The following SCHIP1 variants were observed in gnomAD, a reference collection of about 807,000 sequenced individuals.
SCHIP1 encodes the protein schwannomin interacting protein 1, also known as schwannomin-interacting protein 1.
SCHIP1 carries 8 observed loss-of-function variants against 29.7 expected under a neutral mutation model. The observed-to-expected ratio is 0.27, with a 90% confidence interval of 0.16 to 0.49. SCHIP1 has a LOEUF of 0.49. Among genes scored for constraint, SCHIP1 ranks in the 20% least tolerant of loss-of-function variants. SCHIP1 has a pLI of 0.99. For synonymous variants in SCHIP1, 76 were observed against 94.9 expected (o/e 0.80, Z 1.16); for missense variants, 193 against 294.6 (o/e 0.66, Z 2.52).
the SCHIP1 span, among the ~76,000 whole-genome samples, chr3:159,653,744 TA>T: frequency 1.5e-5 from 2 of 129,980 alleles, no homozygotes; most frequent in African/African-American, 6.8e-5. Context: ...TCCCGGAACT[TA>T]AAGTAAAAAA....
chr3:159,761,313 G>T, the SCHIP1 span, among the ~76,000 whole-genome samples: 1 of 152,220 alleles, frequency 6.6e-6, no homozygotes, highest in African/African-American at 2.4e-5. Flanking sequence ...TACTTACGTA[G>T]AATTGACAGG....
chr3:159,304,076 T>C, the SCHIP1 span, among the ~76,000 whole-genome samples: 1 of 144,436 alleles, frequency 6.9e-6, no homozygotes, highest in Non-Finnish European at 1.5e-5. Context: ...TGTGATCTCA[T>C]TGTTCAGTTC....
the SCHIP1 span, among the ~76,000 whole-genome samples, chr3:159,692,197 G>C: frequency 0.024 from 3,685 of 152,014 alleles, 75 homozygotes; most frequent in African/African-American, 0.052. Flanking sequence ...TGATGATTAT[G>C]TGTCTTGAGG....
the SCHIP1 span, among the ~76,000 whole-genome samples, chr3:159,730,688 T>C: frequency 1.3e-5 from 2 of 152,144 alleles, no homozygotes; most frequent in Middle Eastern, 3.2e-3. Flanking sequence ...TTTAATGATA[T>C]GAAAATTACT....
the SCHIP1 span, among the ~76,000 whole-genome samples, chr3:159,714,454 G>A: frequency 5.0e-3 from 758 of 152,328 alleles, 10 homozygotes; most frequent in Admixed American, 0.022. Flanking sequence ...TTCCTCACCC[G>A]GGAAGTGCAG....
chr3:159,290,201 T>C, the SCHIP1 span, among the ~76,000 whole-genome samples: 1 of 152,338 alleles, frequency 6.6e-6, no homozygotes, highest in East Asian at 1.9e-4. Context: ...AAGAATATCT[T>C]AATTTACTCA....
At chr3:159,346,421 C>T in the SCHIP1 span, among the ~76,000 whole-genome samples, 5 of 151,840 alleles carry the variant, frequency 3.3e-5, no homozygotes, top group African/African-American at 1.2e-4. Flanking sequence ...TCATGACATC[C>T]CATTTCTGGT....
At chr3:159,509,084 T>G in the SCHIP1 span, among the ~76,000 whole-genome samples, 1 of 152,200 alleles carries the variant, frequency 6.6e-6, no homozygotes, top group African/African-American at 2.4e-5. Context: ...AGTCTCCCAT[T>G]ATTATTGTGT....
At chr3:159,406,847 A>G in the SCHIP1 span, among the ~76,000 whole-genome samples, 1 of 152,192 alleles carries the variant, frequency 6.6e-6, no homozygotes, top group African/African-American at 2.4e-5. Context: ...GGGTTATATT[A>G]TTTGCAATAC....
At chr3:159,655,287 C>G in the SCHIP1 span, among the ~76,000 whole-genome samples, 2 of 152,106 alleles carry the variant, frequency 1.3e-5, no homozygotes, top group African/African-American at 4.8e-5. Flanking sequence ...GAAATGAAAG[C>G]CTGTGAACAA....
chr3:159,296,219 A>G, the SCHIP1 span, among the ~76,000 whole-genome samples: 1 of 152,136 alleles, frequency 6.6e-6, no homozygotes, highest in African/African-American at 2.4e-5. Flanking sequence ...TGAACATAAA[A>G]AATAGATTTA....
At chr3:159,502,005 G>A in the SCHIP1 span, among the ~76,000 whole-genome samples, 9 of 152,144 alleles carry the variant, frequency 5.9e-5, no homozygotes, top group Non-Finnish European at 8.8e-5. Flanking sequence ...TTAACTCCAA[G>A]TCAGGTCAAT....
the SCHIP1 span, among the ~76,000 whole-genome samples, chr3:159,444,838 A>T: frequency 6.6e-6 from 1 of 152,316 alleles, no homozygotes; most frequent in East Asian, 1.9e-4. Context: ...CATTACAGAC[A>T]CAGAGGATGG....
chr3:159,688,089 G>A, the SCHIP1 span, among the ~76,000 whole-genome samples: 1 of 152,208 alleles, frequency 6.6e-6, no homozygotes, highest in Non-Finnish European at 1.5e-5. Context: ...ATAGTAGAAT[G>A]ATTTATAATC....
the SCHIP1 span, among the ~76,000 whole-genome samples, chr3:159,426,493 G>A: frequency 1.3e-5 from 2 of 152,160 alleles, no homozygotes; most frequent in African/African-American, 4.8e-5. Flanking sequence ...AGAAGAAGTT[G>A]AATCTCTGAA....
chr3:159,689,188 C>T, the SCHIP1 span, among the ~76,000 whole-genome samples: 1 of 152,130 alleles, frequency 6.6e-6, no homozygotes, highest in East Asian at 1.9e-4. Context: ...TTACTTTGGG[C>T]AGTATGGCCA....
the SCHIP1 span, among the ~76,000 whole-genome samples, chr3:159,474,180 A>G: frequency 2.6e-5 from 4 of 152,170 alleles, no homozygotes; most frequent in Non-Finnish European, 5.9e-5. Context: ...AGACCAAAAT[A>G]TCCCAGCTTA....
At chr3:159,298,873 T>C in the SCHIP1 span, among the ~76,000 whole-genome samples, 1 of 152,258 alleles carries the variant, frequency 6.6e-6, no homozygotes, top group Non-Finnish European at 1.5e-5. Context: ...TTAAGCTAGA[T>C]GGACATTTTG....
chr3:159,474,560 CATTATTTT>C, the SCHIP1 span, among the ~76,000 whole-genome samples: 1 of 152,002 alleles, frequency 6.6e-6, no homozygotes, highest in Admixed American at 6.6e-5. Context: ...TATCCAGATC[CATTATTTT>C]ATTAATAATA....
Sources: allele counts gnomAD v4.1 joint callset (sites outside exome capture counted in the v4.1 genomes callset), GRCh38; gene constraint gnomAD v4.1.1; transcripts MANE v1.5; gene names NCBI Gene and HGNC (gene_info 2026-07-23, HGNC 2026-07-21).